Variants in CDH13 observed in about 807,000 individuals in gnomAD.
The protein encoded by CDH13 is cadherin 13, also known as cadherin-13.
CDH13 carries 24 observed loss-of-function variants against 63.8 expected under a neutral mutation model. The ratio of observed to expected loss-of-function variants is 0.38; its 90% CI spans 0.27 to 0.53. The LOEUF (loss-of-function observed/expected upper bound fraction) is 0.53, where lower values mean the gene tolerates loss of function less well. Among genes scored for constraint, CDH13 ranks in the 20% least tolerant of loss-of-function variants. CDH13 has a pLI of 0.85. For synonymous variants in CDH13, 503 were observed against 355.3 expected, an observed-to-expected ratio of 1.42 and a Z score of -4.67; for missense variants, 1,049 against 903.1, an observed-to-expected ratio of 1.16 and a Z score of -2.07.
At chr16:83,385,379 G>T (rs1234343295) in intron 6 of CDH13, among the ~76,000 whole-genome samples, 1 of 152,210 alleles carries the variant, frequency 6.6e-6, no homozygotes, top group Non-Finnish European at 1.5e-5. Context: ...GTAGCTTCCA[G>T]ATTATAATTT....
In CDH13 at chr16:83,564,916, T is replaced by TTTG. The variant is rs144838175; in HGVS notation, c.961-37520_961-37518dup. On this transcript the variant is annotated intron_variant, in intron 7 of 13. Coordinates refer to ENST00000567109, the MANE Select transcript of CDH13 (RefSeq NM_001257.5). ...AATGCTGTAAACTGTTGTTGTTGGT[T>TTTG]TTGTTGTTGTTGTTGTTGTTTTGTT... 1.4e-4 allele frequency among the ~76,000 whole-genome samples: 21 copies of TTTG among 152,150 alleles called. 1 individual carries two copies. The highest frequency in any genetic ancestry group is 3.4e-4 in the African/African-American group (14 of 41,510).
chr16:83,591,297 A>AG (rs1456339678), intron 7 of CDH13, among the ~76,000 whole-genome samples: 1 of 152,216 alleles, frequency 6.6e-6, no homozygotes, highest in Non-Finnish European at 1.5e-5. Context: ...GTCAGGGCCC[A>AG]GGTCTAGAAA....
chr16:83,788,454 G>A (rs1167307610), intron 13 of CDH13, among the ~76,000 whole-genome samples: 3 of 122,734 alleles, frequency 2.4e-5, no homozygotes, highest in South Asian at 2.9e-4. Flanking sequence ...TTAAGTATTA[G>A]TAAACATTGA....
intron 10 of CDH13, among the ~76,000 whole-genome samples, chr16:83,730,659 G>T (rs1598606166): frequency 6.6e-6 from 1 of 152,186 alleles, no homozygotes; most frequent in East Asian, 1.9e-4. Context: ...TTCGTTTTTT[G>T]GTTTGTGGTT....
At chr16:82,760,781 A>C (rs2034804604) in intron 1 of CDH13, among the ~76,000 whole-genome samples, 1 of 152,046 alleles carries the variant, frequency 6.6e-6, no homozygotes, top group African/African-American at 2.4e-5. Flanking sequence ...GGCAGTTTAC[A>C]ATCATGGTGT....
chr16:83,338,275 G>T (rs747656340), intron 5 of CDH13, among the ~76,000 whole-genome samples: 4 of 151,770 alleles, frequency 2.6e-5, no homozygotes, highest in African/African-American at 9.7e-5. Context: ...AGGCTACAGA[G>T]TCCACCAGCC....
chr16:83,417,657 A>G (rs1429867087), intron 6 of CDH13, among the ~76,000 whole-genome samples: 1 of 152,196 alleles, frequency 6.6e-6, no homozygotes, highest in Non-Finnish European at 1.5e-5. Flanking sequence ...TAGCAGCTAG[A>G]GAAACTCCAA....
chr16:83,581,899 A>T (rs1422813743), intron 7 of CDH13, among the ~76,000 whole-genome samples: 1 of 152,224 alleles, frequency 6.6e-6, no homozygotes, highest in African/African-American at 2.4e-5. Context: ...TCTCCTCCTT[A>T]GCACATACCA....
chr16:82,673,303 C>A (rs756768746), intron 1 of CDH13, among the ~76,000 whole-genome samples: 64 of 152,228 alleles, frequency 4.2e-4, no homozygotes, highest in Admixed American at 7.2e-4. Flanking sequence ...TTCATTCATT[C>A]ATTCAATAAA....
intron 7 of CDH13, among the ~76,000 whole-genome samples, chr16:83,523,889 G>C (rs1598216576): frequency 6.6e-6 from 1 of 152,320 alleles, no homozygotes; most frequent in East Asian, 1.9e-4. Context: ...GAAGCATCCA[G>C]AACCTGTGTC....
At chr16:83,611,206 A>G (rs74035225) in intron 8 of CDH13, among the ~76,000 whole-genome samples, 3,094 of 151,896 alleles carry the variant, frequency 0.02, 118 homozygotes, top group African/African-American at 0.071. Flanking sequence ...AGTTATATAC[A>G]TGTTGCAATT....
intron 3 of CDH13, among the ~76,000 whole-genome samples, chr16:83,045,960 T>A (rs1430882334): frequency 1.3e-5 from 2 of 152,254 alleles, no homozygotes; most frequent in African/African-American, 4.8e-5. Flanking sequence ...GGCAGATGCC[T>A]GTGGACTTTT....
chr16:83,011,278 T>C (rs1914126042), intron 2 of CDH13, among the ~76,000 whole-genome samples: 1 of 152,114 alleles, frequency 6.6e-6, no homozygotes, highest in Non-Finnish European at 1.5e-5. Context: ...CACACAGAGT[T>C]GTAAAAAGCT....
chr16:83,323,704 A>G (rs1327779096), intron 5 of CDH13, among the ~76,000 whole-genome samples: 2 of 152,194 alleles, frequency 1.3e-5, no homozygotes, highest in Non-Finnish European at 2.9e-5. Flanking sequence ...AGTTTTCTTC[A>G]CCACTATTCC....
chr16:83,344,772 C>T (rs1398935628), intron 5 of CDH13, 90 bp from the exon 6 acceptor site: 4 of 1,406,160 alleles, frequency 2.8e-6, no homozygotes, highest in South Asian at 1.3e-5. Flanking sequence ...ATAAAATTGT[C>T]GATATAACCT....
intron 8 of CDH13, among the ~76,000 whole-genome samples, chr16:83,609,957 A>G (rs1454689553): frequency 6.6e-6 from 1 of 152,242 alleles, no homozygotes; most frequent in Admixed American, 6.5e-5. Flanking sequence ...TTTCATATGA[A>G]TGGAATCATA....
At chr16:83,369,273 T>C (rs1229890688) in intron 6 of CDH13, among the ~76,000 whole-genome samples, 1 of 152,062 alleles carries the variant, frequency 6.6e-6, no homozygotes, top group Non-Finnish European at 1.5e-5. Flanking sequence ...GCTCATTTTC[T>C]AGTAGCAGTA....
At chr16:83,041,956 A>G (rs1051563862) in intron 3 of CDH13, among the ~76,000 whole-genome samples, 3 of 152,176 alleles carry the variant, frequency 2.0e-5, no homozygotes, top group Non-Finnish European at 2.9e-5. Flanking sequence ...TATCACTTCT[A>G]TACATTTTTC....
At chr16:83,340,525 C>T (rs1006792624) in intron 5 of CDH13, among the ~76,000 whole-genome samples, 2 of 152,154 alleles carry the variant, frequency 1.3e-5, no homozygotes, top group Non-Finnish European at 2.9e-5. Context: ...TCCACAAGAC[C>T]CTTGGATTTC....
Sources: allele counts gnomAD v4.1 joint callset (sites outside exome capture counted in the v4.1 genomes callset), GRCh38; gene constraint gnomAD v4.1.1; transcripts MANE v1.5; gene names NCBI Gene and HGNC (gene_info 2026-07-23, HGNC 2026-07-21).